FBXW11: variants seen among roughly 807,000 people sequenced by gnomAD.
FBXW11 encodes the protein F-box and WD repeat domain containing 11.
A neutral mutation model predicts 77.6 loss-of-function variants in FBXW11; 19 were observed. The observed-to-expected ratio is 0.24, with a 90% CI of 0.17 to 0.36. FBXW11 has a LOEUF of 0.36. Ranked by LOEUF, FBXW11 falls within the 10% of genes least tolerant of loss-of-function variation. The pLI is 1.00. For synonymous variants in FBXW11, 235 were observed against 249.4 expected (o/e 0.94, Z 0.54); for missense variants, 334 against 704.2 (o/e 0.47, Z 5.95).
intron 2 of FBXW11, among the ~76,000 whole-genome samples, chr5:171,921,035 T>G (rs1761563428): frequency 6.6e-6 from 1 of 152,196 alleles, no homozygotes. Context: ...TTTCATCAAC[T>G]GGGTAATTTA....
At chr5:171,905,525 C>T (rs1210830220) in intron 4 of FBXW11, among the ~76,000 whole-genome samples, 1 of 151,758 alleles carries the variant, frequency 6.6e-6, no homozygotes, top group Admixed American at 6.6e-5. Context: ...AAGGCCGATA[C>T]ACAATATTCT....
chr5:171,921,283 A>G (rs951445526), intron 2 of FBXW11, among the ~76,000 whole-genome samples: 1 of 152,222 alleles, frequency 6.6e-6, no homozygotes, highest in African/African-American at 2.4e-5. Context: ...CCACGAACTG[A>G]CACAGAATAT....
intron 2 of FBXW11, among the ~76,000 whole-genome samples, chr5:171,921,900 A>G (rs775049436): frequency 3.3e-5 from 5 of 152,032 alleles, no homozygotes; most frequent in Non-Finnish European, 7.4e-5. Flanking sequence ...CATAACACCC[A>G]ACTAATTTTT....
intron 2 of FBXW11, among the ~76,000 whole-genome samples, chr5:171,921,859 C>G (rs898511023): frequency 6.6e-6 from 1 of 152,118 alleles, no homozygotes; most frequent in African/African-American, 2.4e-5. Context: ...CCACCTTAGC[C>G]TCCTGAGTAG....
At chr5:171,890,651 TC>T (rs1759285711) in intron 7 of FBXW11, among the ~76,000 whole-genome samples, 1 of 152,124 alleles carries the variant, frequency 6.6e-6, no homozygotes, top group African/African-American at 2.4e-5. Flanking sequence ...AAATTTATGT[TC>T]CCCAAAAAAC....
At position 171,901,786 on chromosome 5, in the gene FBXW11, G is replaced by C. The variant is rs369333140; in HGVS notation, c.437-1686C>G. 6.6e-5 allele frequency among the ~76,000 whole-genome samples: 10 copies of C among 152,106 alleles called. No homozygotes were observed. In the East Asian group the frequency reaches 1.9e-3, roughly 29 times the overall value. ...GGAAAGGTGGGGGGCAGCTTTGTGCGGTTTATATTTATCCTTACTATAATT... is the reference window on the plus strand; with the variant it reads ...GGAAAGGTGGGGGGCAGCTTTGTGCCGTTTATATTTATCCTTACTATAATT... On this transcript the variant is annotated intron_variant, in intron 4 of 13. Coordinates refer to ENST00000517395, the MANE Select transcript of FBXW11 (RefSeq NM_001378974.1).
intron 7 of FBXW11, among the ~76,000 whole-genome samples, chr5:171,887,080 G>A (rs144358337): frequency 6.6e-6 from 1 of 152,098 alleles, no homozygotes; most frequent in African/African-American, 2.4e-5. Context: ...TTGGAACTTG[G>A]GAAACACTGG....
chr5:171,987,460 T>C (rs749787041), intron 1 of FBXW11, among the ~76,000 whole-genome samples: 6 of 152,112 alleles, frequency 3.9e-5, no homozygotes, highest in Admixed American at 6.5e-5. Context: ...TTTGTTTGTT[T>C]GTTTTTTTGA....
intron 4 of FBXW11, among the ~76,000 whole-genome samples, chr5:171,909,232 G>A (rs1760730429): frequency 6.6e-6 from 1 of 152,156 alleles, no homozygotes; most frequent in Non-Finnish European, 1.5e-5. Flanking sequence ...AGTATCACTT[G>A]AGCCCAGGAG....
In FBXW11 at chr5:171,985,380, C is replaced by T. The variant is rs765782083; in HGVS notation, c.45+21078G>A. Among the ~76,000 whole-genome samples, 37 of 152,092 alleles carry T rather than the reference C, an allele frequency of 2.4e-4. 1 individual carries two copies. Among genetic ancestry groups the T allele is most frequent in the Non-Finnish European group, 7.4e-5 (5 of 68,010 alleles). The stretch of plus-strand genomic sequence containing the variant: ...TGGCTCACACCTGTAACCCCAACAG[C>T]TCAGGAGGCCTGGGCAGGAAGATTG... On this transcript the variant is annotated intron_variant, in intron 1 of 13. Transcript: ENST00000517395.
At chr5:171,921,991 A>C (rs1323489352) in intron 2 of FBXW11, among the ~76,000 whole-genome samples, 1 of 149,956 alleles carries the variant, frequency 6.7e-6, no homozygotes, top group Non-Finnish European at 1.5e-5. Context: ...CTCCTGTCTC[A>C]GCTTCCCAAG....
chr5:171,930,204 G>C (rs555721288), intron 2 of FBXW11, among the ~76,000 whole-genome samples: 135 of 152,320 alleles, frequency 8.9e-4, no homozygotes, highest in Non-Finnish European at 1.8e-3. Flanking sequence ...GATGCAAAAA[G>C]GCAGTCTTCA....
chr5:171,893,568 C>G (rs1451121118), intron 6 of FBXW11, among the ~76,000 whole-genome samples: 1 of 151,850 alleles, frequency 6.6e-6, no homozygotes, highest in Non-Finnish European at 1.5e-5. Context: ...CGCATGGAAT[C>G]ATTTAGAGAA....
chr5:171,877,659 G>A (rs1009462425), intron 8 of FBXW11, among the ~76,000 whole-genome samples: 2 of 151,634 alleles, frequency 1.3e-5, no homozygotes, highest in Admixed American at 1.3e-4. Flanking sequence ...CAGGGGTGGC[G>A]ATGCTTCCAG....
intron 2 of FBXW11, among the ~76,000 whole-genome samples, chr5:171,914,640 G>C (rs1761111194): frequency 6.6e-6 from 1 of 152,126 alleles, no homozygotes; most frequent in Non-Finnish European, 1.5e-5. Flanking sequence ...TACAAAGGTT[G>C]GGTGTGCTTA....
At chr5:171,902,866 C>T (rs1376239814) in intron 4 of FBXW11, among the ~76,000 whole-genome samples, 1 of 152,180 alleles carries the variant, frequency 6.6e-6, no homozygotes, top group Non-Finnish European at 1.5e-5. Context: ...CACAACTTTG[C>T]TAACCTTTGT....
intron 7 of FBXW11, among the ~76,000 whole-genome samples, chr5:171,878,603 A>AGAGAGAGAGT (rs138423567): frequency 2.0e-4 from 26 of 128,578 alleles, no homozygotes; most frequent in African/African-American, 7.7e-4. Flanking sequence ...AGAGAGAGAG[A>AGAGAGAGAGT]GTGTGTGTGT....
chr5:171,952,295 C>T (rs1254394455), intron 2 of FBXW11, among the ~76,000 whole-genome samples: 4 of 149,920 alleles, frequency 2.7e-5, no homozygotes, highest in African/African-American at 4.9e-5. Flanking sequence ...TACCAATGGA[C>T]GTTTTCTTCT....
intron 7 of FBXW11, among the ~76,000 whole-genome samples, chr5:171,882,062 T>C (rs1758546718): frequency 6.6e-6 from 1 of 152,316 alleles, no homozygotes; most frequent in African/African-American, 2.4e-5. Flanking sequence ...TGTTATCAAT[T>C]TCATTGATCT....
Sources: allele counts gnomAD v4.1 joint callset (sites outside exome capture counted in the v4.1 genomes callset), GRCh38; gene constraint gnomAD v4.1.1; transcripts MANE v1.5; gene names NCBI Gene and HGNC (gene_info 2026-07-23, HGNC 2026-07-21).